RBFOX1: variants seen among roughly 807,000 people sequenced by gnomAD.
RBFOX1 encodes RNA binding fox-1 homolog 1.
Under a neutral mutation model 57.7 loss-of-function variants are expected in RBFOX1, and 8 were observed. The observed-to-expected ratio is 0.14, with a 90% confidence interval of 0.08 to 0.25. The LOEUF is 0.25. Among genes scored for constraint, RBFOX1 ranks in the 10% least tolerant of loss-of-function variants. The pLI is 1.00. For missense variants in RBFOX1, 611 were observed against 548.5 expected, an observed-to-expected ratio of 1.11 and a Z score of -1.14; for synonymous variants, 326 against 222.4, an observed-to-expected ratio of 1.47 and a Z score of -4.15.
intron 3 of RBFOX1, among the ~76,000 whole-genome samples, chr16:7,029,923 G>T (rs545122456): frequency 6.6e-6 from 1 of 152,290 alleles, no homozygotes; most frequent in Non-Finnish European, 1.5e-5. Context: ...CACTAGAATG[G>T]GAGATTTGGA....
At chr16:6,378,242 C>T (rs1378028515) in intron 2 of RBFOX1, among the ~76,000 whole-genome samples, 2 of 152,214 alleles carry the variant, frequency 1.3e-5, no homozygotes, top group Non-Finnish European at 2.9e-5. Context: ...GCCGCACACT[C>T]GGGCACAGCT....
intron 1 of RBFOX1, among the ~76,000 whole-genome samples, chr16:6,181,102 C>G (rs202014615): frequency 1.3e-5 from 2 of 152,288 alleles, no homozygotes; most frequent in East Asian, 3.9e-4. Context: ...CATCTGCACA[C>G]TGCTTCAGGA....
intron 2 of RBFOX1, among the ~76,000 whole-genome samples, chr16:6,364,375 A>T (rs529170275): frequency 2.6e-5 from 4 of 151,284 alleles, no homozygotes; most frequent in South Asian, 2.1e-4. Flanking sequence ...TTTCTTTCTC[A>T]TCTTCCCTCC....
chr16:6,142,868 G>T (rs578212014), intron 1 of RBFOX1, among the ~76,000 whole-genome samples: 4 of 151,836 alleles, frequency 2.6e-5, no homozygotes, highest in Non-Finnish European at 5.9e-5. Context: ...CTCATTCTTC[G>T]GGGCTTCCTC....
chr16:6,487,702 T>A (rs1182331803), intron 2 of RBFOX1, among the ~76,000 whole-genome samples: 432 of 6,200 alleles, frequency 0.07, 6 homozygotes, highest in African/African-American at 0.11. Context: ...AAAAAAAAAA[T>A]ATATATATAT....
intron 4 of RBFOX1, among the ~76,000 whole-genome samples, chr16:7,242,783 A>C (rs1397017446): frequency 6.6e-6 from 1 of 152,244 alleles, no homozygotes; most frequent in Non-Finnish European, 1.5e-5. Flanking sequence ...AGAACTGGCT[A>C]AACGGCTCAG....
chr16:5,466,965 C>G (rs1030937744), intron 1 of RBFOX1, among the ~76,000 whole-genome samples: 14 of 152,250 alleles, frequency 9.2e-5, no homozygotes, highest in Middle Eastern at 3.4e-3. Flanking sequence ...GGTTAGCTTC[C>G]TTATTTACCA....
At chr16:6,543,463 C>T (rs138439050) in intron 2 of RBFOX1, among the ~76,000 whole-genome samples, 1 of 152,146 alleles carries the variant, frequency 6.6e-6, no homozygotes, top group African/African-American at 2.4e-5. Flanking sequence ...TTTCTTGACT[C>T]TGACATGTGG....
intron 3 of RBFOX1, among the ~76,000 whole-genome samples, chr16:5,640,808 A>G (rs1401726130): frequency 1.3e-5 from 2 of 150,966 alleles, no homozygotes; most frequent in South Asian, 2.1e-4. Context: ...ACATATACAC[A>G]TGCACACCAT....
intron 2 of RBFOX1, among the ~76,000 whole-genome samples, chr16:6,510,148 G>C (rs925681096): frequency 6.6e-6 from 1 of 152,180 alleles, no homozygotes; most frequent in African/African-American, 2.4e-5. Flanking sequence ...AGTAGAGAAA[G>C]AGAAGAGTGG....
rs932017343 is a variant in RBFOX1, at chr16:6,897,690, G to A, written c.-15-154367G>A. ...TGTCTGTAATCACAGCCAGTTGGGAGCCTGAGGCAGGACAGTTGCTTGAAC... is the reference window on the plus strand; with the variant it reads ...TGTCTGTAATCACAGCCAGTTGGGAACCTGAGGCAGGACAGTTGCTTGAAC... On this transcript the variant is annotated intron_variant, in intron 3 of 15. Transcript: ENST00000550418. 3.9e-5 allele frequency among the ~76,000 whole-genome samples: 6 copies of A among 152,152 alleles called. No homozygotes were observed. In the South Asian group the frequency reaches 6.2e-4, roughly 16 times the overall value.
intron 1 of RBFOX1, among the ~76,000 whole-genome samples, chr16:6,075,111 T>A (rs2095879975): frequency 6.6e-6 from 1 of 152,136 alleles, no homozygotes; most frequent in Non-Finnish European, 1.5e-5. Flanking sequence ...CTTCTGGTGC[T>A]CCCATTTATC....
chr16:7,562,193 G>A (rs182053896), intron 5 of RBFOX1, among the ~76,000 whole-genome samples: 137 of 152,288 alleles, frequency 9.0e-4, no homozygotes, highest in African/African-American at 3.2e-3. Context: ...AGTTGGGTGC[G>A]GGATGTCATG....
At chr16:7,505,073 G>A (rs1480069998) in intron 4 of RBFOX1, among the ~76,000 whole-genome samples, 1 of 151,388 alleles carries the variant, frequency 6.6e-6, no homozygotes, top group Non-Finnish European at 1.5e-5. Context: ...GCCCCGAGGT[G>A]CTGAGTGAGT....
At chr16:7,671,527 T>G in intron 13 of RBFOX1, 1 of 1,578,302 alleles carries the variant, frequency 6.3e-7, no homozygotes, top group Non-Finnish European at 8.7e-7. Flanking sequence ...ATTTTTGCAT[T>G]GAAAACATTA....
chr16:7,503,872 C>G (rs2071851442), intron 4 of RBFOX1, among the ~76,000 whole-genome samples: 1 of 152,064 alleles, frequency 6.6e-6, no homozygotes, highest in Non-Finnish European at 1.5e-5. Flanking sequence ...ATCTGTCACT[C>G]AGGAATGGAT....
chr16:5,860,376 A>T (rs546826129), intron 3 of RBFOX1, among the ~76,000 whole-genome samples: 3 of 152,082 alleles, frequency 2.0e-5, no homozygotes, highest in Non-Finnish European at 1.5e-5. Flanking sequence ...CGCCTGGCCT[A>T]CTTCACCACT....
At chr16:6,441,398 TTTTTGTTTTG>T (rs980903759) in intron 2 of RBFOX1, among the ~76,000 whole-genome samples, 1 of 152,010 alleles carries the variant, frequency 6.6e-6, no homozygotes, top group African/African-American at 2.4e-5. Flanking sequence ...TTTTCTTGTT[TTTTTGTTTTG>T]TTTTGTTTTG....
At position 5,716,809 on chromosome 16, in the gene RBFOX1, C is replaced by T. The variant is rs186981549; in HGVS notation, c.318+117848C>T. Among the ~76,000 whole-genome samples the T allele has an allele frequency of 1.5e-4, 23 of 152,234 alleles. 1 individual carries two copies. In the East Asian group the frequency reaches 1.9e-3, roughly 13 times the overall value. On this transcript the variant is annotated intron_variant, in intron 3 of 19. Coordinates refer to the RBFOX1 transcript ENST00000641259. ...GAAACTGGAGCTCAAGGAAGCTCAG[C>T]GACTTGTCCCAGGTTGCATGACCAT...
Sources: allele counts gnomAD v4.1 joint callset (sites outside exome capture counted in the v4.1 genomes callset), GRCh38; gene constraint gnomAD v4.1.1; transcripts MANE v1.5; gene names NCBI Gene and HGNC (gene_info 2026-07-23, HGNC 2026-07-21).